The following PKP2 variants were observed in gnomAD, a reference collection of about 807,000 sequenced individuals.
PKP2 encodes the protein plakophilin-2.
A neutral mutation model predicts 83.4 loss-of-function variants in PKP2; 73 were observed. That is an observed-to-expected ratio of 0.88 (90% CI 0.72 to 1.06). PKP2 has a LOEUF of 1.06. PKP2 is among the 50% of genes least tolerant of loss of function. PKP2 has a pLI of 0.00. For synonymous variants in PKP2, 409 were observed against 430.4 expected, an observed-to-expected ratio of 0.95 and a Z score of 0.62; for missense variants, 966 against 1,065.4, an observed-to-expected ratio of 0.91 and a Z score of 1.30.
intron 9 of PKP2, among the ~76,000 whole-genome samples, chr12:32,807,962 T>C (rs960323653): frequency 1.3e-5 from 2 of 152,200 alleles, no homozygotes; most frequent in Non-Finnish European, 2.9e-5. Flanking sequence ...CCCTTAACAC[T>C]TATTCTTTCA....
rs376606525 is a variant in PKP2, at chr12:32,843,310, T to C, written c.1379-2105A>G. Reference sequence around the variant, plus strand: ...ATTCCTACTTCTTAAATTGACTGTATGGTCTGTACAAAGGAAAGAGGAAGC... The same window carrying C: ...ATTCCTACTTCTTAAATTGACTGTACGGTCTGTACAAAGGAAAGAGGAAGC... On this transcript the variant is annotated intron_variant, in intron 5 of 12. Coordinates refer to ENST00000340811, the MANE Select transcript of PKP2 (RefSeq NM_001005242.3). 1 of 1,365,074 alleles carries C rather than the reference T, an allele frequency of 7.3e-7. No individual in the cohort carries two copies. 84.6% of individuals were successfully genotyped at this position (1,365,074 alleles called of 1,614,324 possible).
intron 6 of PKP2, among the ~76,000 whole-genome samples, chr12:32,828,287 A>G (rs748693052): frequency 1.2e-4 from 18 of 152,180 alleles, no homozygotes; most frequent in Non-Finnish European, 2.1e-4. Flanking sequence ...CTTATCTCAC[A>G]CATTCCTGAG....
At chr12:32,803,876 C>T (rs1368168863) in intron 9 of PKP2, among the ~76,000 whole-genome samples, 1 of 152,186 alleles carries the variant, frequency 6.6e-6, no homozygotes, top group Non-Finnish European at 1.5e-5. Flanking sequence ...ACTAACTCAG[C>T]CACCCATGTG....
rs548430162 is a variant in PKP2, at chr12:32,862,868, G to T, written c.1170+6059C>A. ...ACAAAAATTAGCCGGGCATAGTGGCGGGCACCTGTAATTCCAGCTATTCGG... is the reference window on the plus strand; with the variant it reads ...ACAAAAATTAGCCGGGCATAGTGGCTGGCACCTGTAATTCCAGCTATTCGG... On this transcript the variant is annotated intron_variant, in intron 4 of 12. Coordinates refer to ENST00000340811, the MANE Select transcript of PKP2 (RefSeq NM_001005242.3). Among the ~76,000 whole-genome samples the T allele has an allele frequency of 3.3e-5, 5 of 151,870 alleles. No individual in the cohort carries two copies. The East Asian group carries it at 9.7e-4, about 30-fold the overall frequency.
Position 32,854,856 on chromosome 12 carries a change from C to T in PKP2, c.1171-3883G>A, listed in dbSNP as rs555584151. Reference sequence around the variant, plus strand: ...GCAAATAAGCATAGGGAACACACAGCCTCTGCTGAGGCAAAGGCTCTCTCC... The same window carrying T: ...GCAAATAAGCATAGGGAACACACAGTCTCTGCTGAGGCAAAGGCTCTCTCC... On this transcript the variant is annotated intron_variant, in intron 4 of 12. Coordinates refer to ENST00000340811, the MANE Select transcript of PKP2 (RefSeq NM_001005242.3). Among the ~76,000 whole-genome samples, 4 of 152,296 alleles carry T rather than the reference C, an allele frequency of 2.6e-5. No individual in the cohort carries two copies. The East Asian group carries it at 7.7e-4, about 29-fold the overall frequency.
At chr12:32,888,531 C>T (rs1220728315) in intron 1 of PKP2, among the ~76,000 whole-genome samples, 1 of 151,744 alleles carries the variant, frequency 6.6e-6, no homozygotes, top group Non-Finnish European at 1.5e-5. Context: ...CTCTTGTTGC[C>T]CAGGCTGGAG....
At chr12:32,800,460 G>C (rs770739833) in intron 10 of PKP2, among the ~76,000 whole-genome samples, 3 of 152,216 alleles carry the variant, frequency 2.0e-5, no homozygotes, top group Non-Finnish European at 4.4e-5. Context: ...CTTTCCTTTT[G>C]ACTGTGGTTC....
In PKP2 at chr12:32,816,465, CATT is replaced by C. The variant is rs545854304; in HGVS notation, c.2013+4888_2013+4890del. ...ATCATTGCAGGGTGCATATGTACCA[CATT>C]TTCTTTATCCAATCCACCACGGATG... On this transcript the variant is annotated intron_variant, in intron 9 of 12. Transcript: ENST00000340811. Among the ~76,000 whole-genome samples the C allele has an allele frequency of 7.0e-4, 106 of 152,294 alleles. 1 individual carries two copies. The highest frequency in any genetic ancestry group is 2.3e-3 in the African/African-American group (97 of 41,554).
Position 32,796,631 on chromosome 12 carries a change from C to G in PKP2, c.2168-333G>C, listed in dbSNP as rs866465131. 2.4e-4 allele frequency among the ~76,000 whole-genome samples: 37 copies of G among 152,140 alleles called. No individual in the cohort carries two copies. The South Asian group carries it at 5.6e-3, about 23-fold the overall frequency. ...AGCCAGGATGGTCTCGATCTCCTGA[C>G]CTCGTGATCCGCCAGCCTCGGCCTC... On this transcript the variant is annotated intron_variant, in intron 10 of 12. Transcript: ENST00000340811.
At chr12:32,793,613 CTTT>C (rs35990527) in intron 11 of PKP2, among the ~76,000 whole-genome samples, 3,162 of 76,356 alleles carry the variant, frequency 0.041, 21 homozygotes, top group Middle Eastern at 0.073. Flanking sequence ...TCATATTCTG[CTTT>C]TTTTTTTTTT....
intron 9 of PKP2, among the ~76,000 whole-genome samples, chr12:32,817,585 T>G (rs999908357): frequency 6.6e-6 from 1 of 152,244 alleles, no homozygotes; most frequent in Non-Finnish European, 1.5e-5. Context: ...AACATGTCTT[T>G]TGATAGCATA....
At chr12:32,817,912 T>C (rs370424786) in intron 9 of PKP2, among the ~76,000 whole-genome samples, 1 of 152,148 alleles carries the variant, frequency 6.6e-6, no homozygotes, top group Admixed American at 6.5e-5. Context: ...TCCTGTCAGA[T>C]CCGCAGTGAC....
At chr12:32,826,131 G>A (rs1459586018) in intron 6 of PKP2, among the ~76,000 whole-genome samples, 3 of 151,486 alleles carry the variant, frequency 2.0e-5, no homozygotes, top group African/African-American at 2.4e-5. Context: ...GTGAAAACCC[G>A]TCTCTACTAA....
chr12:32,877,391 CA>C (rs1956940959), intron 3 of PKP2, among the ~76,000 whole-genome samples: 1 of 152,176 alleles, frequency 6.6e-6, no homozygotes, highest in South Asian at 2.1e-4. Flanking sequence ...AGAAAAAAGA[CA>C]TCTAGAAGTC....
At chr12:32,793,241 A>AAATAAT (rs753197900) in intron 11 of PKP2, among the ~76,000 whole-genome samples, 22 of 151,976 alleles carry the variant, frequency 1.4e-4, no homozygotes, top group African/African-American at 5.3e-4. Flanking sequence ...CTCCATCTCA[A>AAATAAT]AATAATAATA....
intron 8 of PKP2, chr12:32,821,861 G>A: frequency 3.1e-6 from 1 of 323,712 alleles, no homozygotes; most frequent in Non-Finnish European, 5.8e-6. Flanking sequence ...CCACCCTGTA[G>A]ATAAGAAAAA....
At position 32,830,513 on chromosome 12, in the gene PKP2, C is replaced by T. The variant is rs560985177; in HGVS notation, c.1557-6351G>A. 1.6e-4 allele frequency among the ~76,000 whole-genome samples: 25 copies of T among 152,286 alleles called. 1 individual carries two copies. In the South Asian group the frequency reaches 5.2e-3, roughly 32 times the overall value. ...GGCCCTACAACCTACACATCTTGGT[C>T]CTACGGGGATAAGAAAAATTAATGG... On this transcript the variant is annotated intron_variant, in intron 6 of 12. Transcript: ENST00000340811.
chr12:32,861,904 T>G (rs1356347169), intron 4 of PKP2, among the ~76,000 whole-genome samples: 1 of 152,152 alleles, frequency 6.6e-6, no homozygotes, highest in Non-Finnish European at 1.5e-5. Context: ...CTTTCTTTCT[T>G]TCTTTGAGAC....
At chr12:32,799,180 A>G (rs1024944786) in intron 10 of PKP2, among the ~76,000 whole-genome samples, 4 of 152,224 alleles carry the variant, frequency 2.6e-5, no homozygotes, top group Non-Finnish European at 5.9e-5. Context: ...TACATATGAA[A>G]AAATGCTCAA....
Sources: gnomAD v4.1 joint callset for allele counts (sites outside exome capture counted in the v4.1 genomes callset) on GRCh38, gnomAD v4.1.1 for gene constraint, MANE v1.5 for transcripts, NCBI Gene and HGNC (gene_info 2026-07-23, HGNC 2026-07-21) for gene names.